The following ST6GALNAC3 variants were observed in gnomAD, a reference collection of about 807,000 sequenced individuals.
ST6GALNAC3 encodes the protein ST6 N-acetylgalactosaminide alpha-2,6-sialyltransferase 3.
A neutral mutation model predicts 32.7 loss-of-function variants in ST6GALNAC3; 25 were observed. The observed-to-expected ratio is 0.76, with a 90% confidence interval of 0.56 to 1.07. The LOEUF (loss-of-function observed/expected upper bound fraction) is 1.07, where lower values mean the gene tolerates loss of function less well. ST6GALNAC3 is among the 50% of genes least tolerant of loss of function. ST6GALNAC3 has a pLI of 0.00. For synonymous variants in ST6GALNAC3, 129 were observed against 133.1 expected (o/e 0.97, Z 0.21); for missense variants, 355 against 382.4 (o/e 0.93, Z 0.60).
At chr1:76,277,628 A>G (rs1400890521) in intron 1 of ST6GALNAC3, among the ~76,000 whole-genome samples, 2 of 144,018 alleles carry the variant, frequency 1.4e-5, no homozygotes, top group East Asian at 4.1e-4. Context: ...ACACACACAC[A>G]CACACACATT....
chr1:76,436,921 C>A (rs1656186692), intron 3 of ST6GALNAC3, among the ~76,000 whole-genome samples: 1 of 151,992 alleles, frequency 6.6e-6, no homozygotes. Context: ...AGGAAATGAA[C>A]CTTGGCATAT....
rs149071281 is a variant in ST6GALNAC3, at chr1:76,238,154, G to A, written c.19-75651G>A. ...TTCCCTTGCAATTTCTTCCCAGCCC[G>A]CACCTTCTACCTTTTCTCTCTAGTT... is the stretch of plus-strand genomic sequence containing the variant. On this transcript the variant is annotated intron_variant, in intron 1 of 4. Transcript: ENST00000328299. 2.0e-4 allele frequency among the ~76,000 whole-genome samples: 30 copies of A among 152,282 alleles called. No individual in the cohort carries two copies. In the East Asian group the frequency reaches 4.4e-3, roughly 23 times the overall value.
At chr1:76,530,904 AT>A (rs1280032609) in intron 3 of ST6GALNAC3, among the ~76,000 whole-genome samples, 1 of 152,232 alleles carries the variant, frequency 6.6e-6, no homozygotes, top group Non-Finnish European at 1.5e-5. Context: ...GGAGCTGGTC[AT>A]TAATGAAAGG....
intron 2 of ST6GALNAC3, among the ~76,000 whole-genome samples, chr1:76,320,963 T>TAC (rs3079477): frequency 7.9e-5 from 11 of 138,778 alleles, no homozygotes; most frequent in Non-Finnish European, 1.1e-4. Flanking sequence ...GGTATATATA[T>TAC]ACACACACAC....
intron 1 of ST6GALNAC3, among the ~76,000 whole-genome samples, chr1:76,080,556 A>C (rs1170268489): frequency 2.0e-5 from 3 of 151,958 alleles, no homozygotes; most frequent in Admixed American, 1.3e-4. Flanking sequence ...AGAAGGAGGG[A>C]AAAAGAGAAG....
intron 1 of ST6GALNAC3, among the ~76,000 whole-genome samples, chr1:76,139,908 C>T (rs1650209704): frequency 6.6e-6 from 1 of 152,182 alleles, no homozygotes; most frequent in Non-Finnish European, 1.5e-5. Flanking sequence ...ATGGGGATGA[C>T]ACATGAATAA....
intron 2 of ST6GALNAC3, among the ~76,000 whole-genome samples, chr1:76,391,182 C>T (rs529894944): frequency 3.3e-5 from 5 of 152,064 alleles, no homozygotes; most frequent in Admixed American, 1.3e-4. Flanking sequence ...CCTCGTGATC[C>T]GCCCATCTTG....
chr1:76,106,415 A>G (rs918189785), intron 1 of ST6GALNAC3, among the ~76,000 whole-genome samples: 1 of 152,018 alleles, frequency 6.6e-6, no homozygotes, highest in Non-Finnish European at 1.5e-5. Context: ...AACTTTGGAA[A>G]CTCTTTGCCA....
In ST6GALNAC3 at chr1:76,117,601, C is replaced by T. The variant is rs566326107; in HGVS notation, c.18+42717C>T. Among the ~76,000 whole-genome samples the T allele has an allele frequency of 7.5e-5, 7 of 93,468 alleles. No individual in the cohort carries two copies. In the South Asian group the frequency reaches 1.9e-3, roughly 26 times the overall value. The allele number at this position is 93,468 out of a possible 152,430, so 61.3% of individuals were successfully genotyped here. A position where few individuals can be genotyped will look rare whatever the true frequency, so the allele number is the denominator to read the frequency against. On this transcript the variant is annotated intron_variant, in intron 1 of 4. Coordinates refer to ENST00000328299, the MANE Select transcript of ST6GALNAC3 (RefSeq NM_152996.4). The stretch of plus-strand genomic sequence containing the variant: ...CATTATCAGCTGGCAGGGTTATTCA[C>T]GCTGGACTAGCTCTGAGCCTGCTAA...
chr1:76,627,755 C>T (rs982718720), intron 4 of ST6GALNAC3, among the ~76,000 whole-genome samples, 196 bp downstream of exon 4: 1 of 151,852 alleles, frequency 6.6e-6, no homozygotes, highest in African/African-American at 2.4e-5. Context: ...AAAATATTTA[C>T]CAGTCTAATG....
At position 76,422,399 on chromosome 1, in the gene ST6GALNAC3, G is replaced by C. The variant is rs914445007; in HGVS notation, c.623+9982G>C. Reference sequence around the variant, plus strand: ...AGTATTGAAGCTGTCTTATCCAAGAGATCATCATTGCACTCAAGGAACTGG... The same window carrying C: ...AGTATTGAAGCTGTCTTATCCAAGACATCATCATTGCACTCAAGGAACTGG... On this transcript the variant is annotated intron_variant, in intron 3 of 4. Transcript: ENST00000328299. Among the ~76,000 whole-genome samples the C allele has an allele frequency of 2.0e-5, 3 of 152,024 alleles. No individual in the cohort carries two copies. In the East Asian group the frequency reaches 5.8e-4, roughly 29 times the overall value.
intron 1 of ST6GALNAC3, among the ~76,000 whole-genome samples, chr1:76,231,076 C>T (rs1656333985): frequency 6.6e-6 from 1 of 152,158 alleles, no homozygotes; most frequent in South Asian, 2.1e-4. Context: ...TTTTGCAAGA[C>T]AAGGCCTTGG....
chr1:76,199,554 A>G (rs1570407416), intron 1 of ST6GALNAC3, among the ~76,000 whole-genome samples: 1 of 152,184 alleles, frequency 6.6e-6, no homozygotes, highest in African/African-American at 2.4e-5. Context: ...TTTTTTCCAG[A>G]GTGGTATGTG....
chr1:76,495,823 G>T (rs72989907), intron 3 of ST6GALNAC3, among the ~76,000 whole-genome samples: 5 of 152,084 alleles, frequency 3.3e-5, no homozygotes, highest in African/African-American at 1.2e-4. Context: ...ACTACAGAAC[G>T]AAATGGTAAA....
In ST6GALNAC3 at chr1:76,481,119, C is replaced by A. The variant is rs559169898; in HGVS notation, c.623+68702C>A. Among the ~76,000 whole-genome samples, 278 of 152,204 alleles carry A rather than the reference C, an allele frequency of 1.8e-3. 2 individuals are homozygous for A. Among genetic ancestry groups the A allele is most frequent in the African/African-American group, 6.4e-3 (264 of 41,554 alleles). ...TCTTTGAATTAATTATTTTCCATTTCTAACATTTGGCCATAGTGTCATTTT... is the reference window on the plus strand; with the variant it reads ...TCTTTGAATTAATTATTTTCCATTTATAACATTTGGCCATAGTGTCATTTT... On this transcript the variant is annotated intron_variant, in intron 3 of 4. Coordinates refer to ENST00000328299, the MANE Select transcript of ST6GALNAC3 (RefSeq NM_152996.4).
intron 1 of ST6GALNAC3, among the ~76,000 whole-genome samples, chr1:76,210,557 T>G (rs1655096787): frequency 1.3e-5 from 2 of 152,210 alleles, no homozygotes; most frequent in South Asian, 4.1e-4. Context: ...AACAAAATAC[T>G]GCAGGCTGGG....
chr1:76,074,897 A>G lies in ST6GALNAC3; in HGVS notation c.18+13A>G, dbSNP rs772329745. The G allele has an allele frequency of 3.3e-5, 53 of 1,595,362 alleles. No homozygotes were observed. Among genetic ancestry groups the G allele is most frequent in the Non-Finnish European group, 4.2e-5 (49 of 1,171,558 alleles). On this transcript the variant is annotated intron_variant, in intron 1 of 4. Transcript: ENST00000328299. ...CTGCATCCTGAAGGTAACGACTTGGATCTGTGGCTCGGACGCGTGGTTGGC... is the reference window on the plus strand; with the variant it reads ...CTGCATCCTGAAGGTAACGACTTGGGTCTGTGGCTCGGACGCGTGGTTGGC...
chr1:76,076,912 A>C (rs1146660), intron 1 of ST6GALNAC3, among the ~76,000 whole-genome samples: 40,957 of 152,038 alleles, frequency 0.27, 6,118 homozygotes, highest in Middle Eastern at 0.4. Context: ...TCAACCTTCC[A>C]TATACTTTAC....
Position 76,270,898 on chromosome 1 carries a change from A to G in ST6GALNAC3, c.19-42907A>G, listed in dbSNP as rs953289224. 3.9e-5 allele frequency among the ~76,000 whole-genome samples: 6 copies of G among 152,298 alleles called. No individual in the cohort carries two copies. The East Asian group carries it at 5.8e-4, about 15-fold the overall frequency. On this transcript the variant is annotated intron_variant, in intron 1 of 4. Coordinates refer to ENST00000328299, the MANE Select transcript of ST6GALNAC3 (RefSeq NM_152996.4). ...GACCTTTTCTAGTCTTTGAAAGATAATGTATTACTCTTGAGAAATGTAGAA... is the reference window on the plus strand; with the variant it reads ...GACCTTTTCTAGTCTTTGAAAGATAGTGTATTACTCTTGAGAAATGTAGAA...
Sources: allele counts gnomAD v4.1 joint callset (sites outside exome capture counted in the v4.1 genomes callset), GRCh38; gene constraint gnomAD v4.1.1; transcripts MANE v1.5; gene names NCBI Gene and HGNC (gene_info 2026-07-23, HGNC 2026-07-21).